The following ERO1B variants were observed in gnomAD, a reference collection of about 807,000 sequenced individuals.
The protein encoded by ERO1B is ERO1-like protein beta.
Under a neutral mutation model 75.3 loss-of-function variants are expected in ERO1B, and 49 were observed. The ratio of observed to expected loss-of-function variants is 0.65; its 90% CI spans 0.52 to 0.83. The LOEUF (loss-of-function observed/expected upper bound fraction) is 0.83, where lower values mean the gene tolerates loss of function less well. Ranked by LOEUF, ERO1B falls within the 40% of genes least tolerant of loss-of-function variation. The pLI, the probability that ERO1B is intolerant of heterozygous loss-of-function variation, is 0.00. For missense variants in ERO1B, 512 were observed against 560.1 expected (o/e 0.91, Z 0.87); for synonymous variants, 191 against 192.9 (o/e 0.99, Z 0.08).
intron 2 of ERO1B, among the ~76,000 whole-genome samples, chr1:236,259,585 G>A (rs891379765): frequency 6.6e-6 from 1 of 152,102 alleles, no homozygotes. Context: ...AGCAGGGGTA[G>A]CTATCCATAT....
chr1:236,256,569 A>C (rs1665165828), intron 2 of ERO1B, among the ~76,000 whole-genome samples: 1 of 151,948 alleles, frequency 6.6e-6, no homozygotes, highest in South Asian at 2.1e-4. Context: ...GAAAGTCAGC[A>C]CTCCCTGTGC....
Position 236,230,270 on chromosome 1 carries a change from G to T in ERO1B, c.686-20C>A. ...ATTCTCCTGAGAGAGAGAGAAAAGT[G>T]GATTAAAACATTATATGGTCATTTA... is the stretch of plus-strand genomic sequence containing the variant. On this transcript the variant is annotated intron_variant, in intron 9 of 15. Coordinates refer to ENST00000354619, the MANE Select transcript of ERO1B (RefSeq NM_019891.4). 6.4e-7 allele frequency: 1 copy of T among 1,569,704 alleles called. No homozygotes were observed. The highest frequency in any genetic ancestry group is 8.8e-7 in the Non-Finnish European group (1 of 1,142,440).
At chr1:236,270,096 G>A (rs1368185880) in intron 1 of ERO1B, 102 bp from the exon 2 acceptor site, 11 of 828,084 alleles carry the variant, frequency 1.3e-5, no homozygotes, top group South Asian at 1.1e-4. Flanking sequence ...AAGTTAGCCG[G>A]TACTTGCTGA....
At position 236,217,826 on chromosome 1, in the gene ERO1B, G is replaced by C. The variant is rs1014074288; in HGVS notation, c.*690C>G. 6.6e-6 allele frequency: 1 copy of C among 152,124 alleles called. No homozygotes were observed. The highest frequency in any genetic ancestry group is 1.5e-5 in the Non-Finnish European group (1 of 68,016). The allele number at this position is 152,124 out of a possible 1,614,324, so 9.4% of individuals were successfully genotyped here. On this transcript the variant is annotated 3_prime_UTR_variant, in exon 16 of 16. Coordinates refer to ENST00000354619, the MANE Select transcript of ERO1B (RefSeq NM_019891.4). ...CACAAAATCTGGCTGGGTAGCATAGGGGAGAGGTCTTGTTCACCTTTACCA... is the reference window on the plus strand; with the variant it reads ...CACAAAATCTGGCTGGGTAGCATAGCGGAGAGGTCTTGTTCACCTTTACCA...
intron 10 of ERO1B, among the ~76,000 whole-genome samples, chr1:236,227,372 T>C (rs1487071414): frequency 6.6e-6 from 1 of 152,194 alleles, no homozygotes; most frequent in Admixed American, 6.5e-5. Context: ...CAGGGGCTTT[T>C]TTGCTGAGAA....
intron 9 of ERO1B, among the ~76,000 whole-genome samples, chr1:236,231,314 TAAAG>T (rs1344016216): frequency 1.3e-5 from 2 of 152,094 alleles, no homozygotes; most frequent in African/African-American, 4.8e-5. Context: ...AAATTTCAGT[TAAAG>T]AAATGCAGTA....
At chr1:236,261,804 G>A (rs545519583) in intron 2 of ERO1B, among the ~76,000 whole-genome samples, 1 of 152,268 alleles carries the variant, frequency 6.6e-6, no homozygotes, top group Non-Finnish European at 1.5e-5. Flanking sequence ...AGACACAGCA[G>A]CTCACATCTG....
In ERO1B at chr1:236,218,147, T is replaced by A. The variant is rs1298763780; in HGVS notation, c.*369A>T. 1 of 152,876 alleles carries A rather than the reference T, an allele frequency of 6.5e-6. No homozygotes were observed. The highest frequency in any genetic ancestry group is 1.5e-5 in the Non-Finnish European group (1 of 68,556). The allele number at this position is 152,876 out of a possible 1,614,324, so 9.5% of individuals were successfully genotyped here. ...TTTGTTCCCTAGTTCTCCTTTTCCA[T>A]AACAGACTGAACAGTGTTATTAGAA... On this transcript the variant is annotated 3_prime_UTR_variant, in exon 16 of 16. Coordinates refer to ENST00000354619, the MANE Select transcript of ERO1B (RefSeq NM_019891.4).
At chr1:236,243,879 A>G (rs1664773241) in intron 5 of ERO1B, among the ~76,000 whole-genome samples, 1 of 152,160 alleles carries the variant, frequency 6.6e-6, no homozygotes, top group African/African-American at 2.4e-5. Context: ...TATTTTCAGA[A>G]TTCTTTTAAT....
intron 1 of ERO1B, among the ~76,000 whole-genome samples, chr1:236,274,753 A>AC (rs1466359826): frequency 1.3e-5 from 2 of 151,586 alleles, no homozygotes; most frequent in Non-Finnish European, 2.9e-5. Context: ...AGAAAAAAAA[A>AC]AGACAGACAA....
At chr1:236,279,639 G>A (rs1343434946) in intron 1 of ERO1B, among the ~76,000 whole-genome samples, 1 of 150,064 alleles carries the variant, frequency 6.7e-6, no homozygotes, top group Non-Finnish European at 1.5e-5. Flanking sequence ...GACCAGCTCG[G>A]CCAACATGGC....
At chr1:236,250,613 A>ATG (rs1449121260) in intron 4 of ERO1B, among the ~76,000 whole-genome samples, 4,661 of 45,784 alleles carry the variant, frequency 0.1, 358 homozygotes, top group Non-Finnish European at 0.14. Context: ...ATATATATAT[A>ATG]TATATCAAAC....
At position 236,218,277 on chromosome 1, in the gene ERO1B, T is replaced by C. The variant is rs1664047557; in HGVS notation, c.*239A>G. The C allele has an allele frequency of 4.3e-6, 1 of 230,330 alleles. No homozygotes were observed. The highest frequency in any genetic ancestry group is 8.1e-6 in the Non-Finnish European group (1 of 123,780). 14.3% of individuals were successfully genotyped at this position (230,330 alleles called of 1,614,324 possible). A position where few individuals can be genotyped will look rare whatever the true frequency, so the allele number is the denominator to read the frequency against. ...AGAATTTTCATTACATGAAAACATA[T>C]GAAATTAAACACAAAATTAGTATAA... On this transcript the variant is annotated 3_prime_UTR_variant, in exon 16 of 16. Transcript: ENST00000354619.
intron 5 of ERO1B, among the ~76,000 whole-genome samples, chr1:236,244,008 G>A (rs950309381): frequency 1.3e-5 from 2 of 152,024 alleles, no homozygotes; most frequent in Non-Finnish European, 2.9e-5. Context: ...TGTATCACTC[G>A]TTTCACAGCC....
intron 2 of ERO1B, among the ~76,000 whole-genome samples, chr1:236,264,617 G>A (rs1665377227): frequency 6.6e-6 from 1 of 152,126 alleles, no homozygotes; most frequent in Non-Finnish European, 1.5e-5. Flanking sequence ...GCCAAGGTGG[G>A]CAGATCACTT....
In ERO1B at chr1:236,220,690, G is replaced by C. The variant is rs545660029; in HGVS notation, c.1343+142C>G. The C allele has an allele frequency of 2.9e-5, 20 of 686,068 alleles. No homozygotes were observed. The East Asian group carries it at 3.5e-4, about 12-fold the overall frequency. 42.5% of individuals were successfully genotyped at this position (686,068 alleles called of 1,614,324 possible). A position where few individuals can be genotyped will look rare whatever the true frequency, so the allele number is the denominator to read the frequency against. On this transcript the variant is annotated intron_variant, in intron 15 of 15. Coordinates refer to ENST00000354619, the MANE Select transcript of ERO1B (RefSeq NM_019891.4). The stretch of plus-strand genomic sequence containing the variant: ...GAGAAACTGACTTGTCAGCATTAAG[G>C]CCTCTCTAAGTTAGTACAGATACAA...
chr1:236,273,730 C>G (rs965422757), intron 1 of ERO1B, among the ~76,000 whole-genome samples: 2 of 149,206 alleles, frequency 1.3e-5, no homozygotes, highest in African/African-American at 5.0e-5. Context: ...CACCTGAACT[C>G]AGGGGGTCGA....
intron 1 of ERO1B, among the ~76,000 whole-genome samples, chr1:236,276,926 T>A (rs1370444188): frequency 6.6e-6 from 1 of 152,142 alleles, no homozygotes; most frequent in Admixed American, 6.6e-5. Flanking sequence ...GGGGGCGGAC[T>A]TCCCCCTTGC....
chr1:236,227,337 T>C (rs569914688), intron 10 of ERO1B, among the ~76,000 whole-genome samples: 2 of 152,280 alleles, frequency 1.3e-5, no homozygotes, highest in South Asian at 4.1e-4. Flanking sequence ...AACAGAACGT[T>C]ATTTGATGTA....
Sources: gnomAD v4.1 joint callset for allele counts (sites outside exome capture counted in the v4.1 genomes callset) on GRCh38, gnomAD v4.1.1 for gene constraint, MANE v1.5 for transcripts, NCBI Gene and HGNC (gene_info 2026-07-23, HGNC 2026-07-21) for gene names.